The following NRIP1 variants were observed in gnomAD, a reference collection of about 807,000 sequenced individuals.
The protein encoded by NRIP1 is nuclear receptor-interacting protein 1.
A neutral mutation model predicts 75.0 loss-of-function variants in NRIP1; 28 were observed. The ratio of observed to expected loss-of-function variants is 0.37; its 90% CI spans 0.28 to 0.51. The LOEUF (loss-of-function observed/expected upper bound fraction) is 0.51. NRIP1 is among the 20% of genes least tolerant of loss of function. The pLI, the probability that NRIP1 is intolerant of heterozygous loss-of-function variation, is 0.92. For synonymous variants in NRIP1, 526 were observed against 487.6 expected, an observed-to-expected ratio of 1.08 and a Z score of -1.04; for missense variants, 1,435 against 1,343.7, an observed-to-expected ratio of 1.07 and a Z score of -1.06.
intron 3 of NRIP1, among the ~76,000 whole-genome samples, chr21:14,979,701 C>T (rs1167049978): frequency 1.3e-5 from 2 of 151,644 alleles, no homozygotes; most frequent in Admixed American, 6.6e-5. Context: ...TTTTTAATAG[C>T]GACGGGGTTT....
intron 1 of NRIP1, among the ~76,000 whole-genome samples, chr21:15,045,852 C>T (rs1172588499): frequency 6.6e-6 from 1 of 152,156 alleles, no homozygotes; most frequent in East Asian, 1.9e-4. Context: ...GAGTAGATTC[C>T]ATCTCTAGTA....
intron 2 of NRIP1, among the ~76,000 whole-genome samples, chr21:15,030,975 G>A (rs4817585): frequency 0.69 from 72,368 of 104,586 alleles, 25,392 homozygotes; most frequent in East Asian, 0.8. Flanking sequence ...TTCTATGTGT[G>A]TACACTCTGG....
chr21:14,968,519 T>C lies in NRIP1; in HGVS notation c.-327A>G, dbSNP rs370599961. The C allele has an allele frequency of 3.8e-4, 84 of 219,366 alleles. No homozygotes were observed. Among genetic ancestry groups the C allele is most frequent in the African/African-American group, 1.8e-3 (78 of 43,226 alleles). The allele number at this position is 219,366 out of a possible 1,614,324, so 13.6% of individuals were successfully genotyped here. A position where few individuals can be genotyped will look rare whatever the true frequency, so the allele number is the denominator to read the frequency against. On this transcript the variant is annotated 5_prime_UTR_variant, in exon 4 of 4. It removes the in-frame stop codon of an upstream open reading frame in the 5' UTR. Transcript: ENST00000318948. ...TTTTGTTCCCCATTAAATGCAAATA[T>C]CAGTGTTCTAAAAAAAATAAAAATA...
Position 14,963,602 on chromosome 21 carries a change from GAA to G in NRIP1, c.*1112_*1113del. On this transcript the variant is annotated 3_prime_UTR_variant, in exon 4 of 4. Transcript: ENST00000318948. The stretch of plus-strand genomic sequence containing the variant: ...TTGTTTTACAGTCTCATGTTCTGAG[GAA>G]AGTCATAAGTCATGGTTCTCAAACA... 6.6e-6 allele frequency: 1 copy of G among 152,328 alleles called. No homozygotes were observed. Among genetic ancestry groups the G allele is most frequent in the East Asian group, 1.9e-4 (1 of 5,184 alleles). 9.4% of individuals were successfully genotyped at this position (152,328 alleles called of 1,614,324 possible).
rs2086598842 is a variant in NRIP1 at position 14,961,911 on chromosome 21, AT to A, written c.*2804del. 1 of 151,738 alleles carries A rather than the reference AT, an allele frequency of 6.6e-6. No individual in the cohort carries two copies. The highest frequency in any genetic ancestry group is 2.4e-5 in the African/African-American group (1 of 41,306). 9.4% of individuals were successfully genotyped at this position (151,738 alleles called of 1,614,324 possible). A position where few individuals can be genotyped will look rare whatever the true frequency, so the allele number is the denominator to read the frequency against. On this transcript the variant is annotated 3_prime_UTR_variant, in exon 4 of 4. Coordinates refer to ENST00000318948, the MANE Select transcript of NRIP1 (RefSeq NM_003489.4). ...AAGGCTTTTCTGTTGCATTAGAACA[AT>A]ACAAAATATGTATTTTTCATTAAGG...
At chr21:15,033,422 T>G (rs2088758216) in intron 2 of NRIP1, among the ~76,000 whole-genome samples, 1 of 152,046 alleles carries the variant, frequency 6.6e-6, no homozygotes, top group African/African-American at 2.4e-5. Flanking sequence ...AGAGTTGGGG[T>G]TCATACCTAG....
chr21:15,035,691 G>C (rs972448347), intron 2 of NRIP1, among the ~76,000 whole-genome samples: 1 of 151,824 alleles, frequency 6.6e-6, no homozygotes, highest in East Asian at 1.9e-4. Flanking sequence ...TGAGTAGCTG[G>C]GATTACAGTT....
intron 3 of NRIP1, among the ~76,000 whole-genome samples, chr21:14,993,531 A>G (rs1356621237): frequency 6.6e-6 from 1 of 152,200 alleles, no homozygotes; most frequent in East Asian, 1.9e-4. Context: ...TCAGTTTAAC[A>G]TGTATAACAA....
intron 1 of NRIP1, among the ~76,000 whole-genome samples, chr21:15,057,518 A>G (rs956444708): frequency 9.2e-5 from 14 of 152,220 alleles, no homozygotes; most frequent in African/African-American, 2.7e-4. Context: ...AAGCTGCTGC[A>G]GAATCATCGA....
Position 14,962,744 on chromosome 21 carries a change from C to T in NRIP1, c.*1972G>A, listed in dbSNP as rs542404268. 2.0e-5 allele frequency: 3 copies of T among 152,538 alleles called. No homozygotes were observed. The East Asian group carries it at 5.8e-4, about 29-fold the overall frequency. 9.4% of individuals were successfully genotyped at this position (152,538 alleles called of 1,614,324 possible). A position where few individuals can be genotyped will look rare whatever the true frequency, so the allele number is the denominator to read the frequency against. ...CCATGATGTTGCATAATACCCACTC[C>T]TATTACTGTATAATATTTCCAGTAG... On this transcript the variant is annotated 3_prime_UTR_variant, in exon 4 of 4. Coordinates refer to ENST00000318948, the MANE Select transcript of NRIP1 (RefSeq NM_003489.4).
chr21:15,036,978 C>T (rs2088849142), intron 2 of NRIP1, among the ~76,000 whole-genome samples: 1 of 151,958 alleles, frequency 6.6e-6, no homozygotes, highest in Non-Finnish European at 1.5e-5. Flanking sequence ...TTGTACTTTC[C>T]CTCTTGATGA....
At chr21:14,987,778 T>C (rs2087448531) in intron 3 of NRIP1, among the ~76,000 whole-genome samples, 1 of 152,198 alleles carries the variant, frequency 6.6e-6, no homozygotes, top group Non-Finnish European at 1.5e-5. Flanking sequence ...GAGTTGTCTT[T>C]GATTCTCCTC....
intron 1 of NRIP1, among the ~76,000 whole-genome samples, chr21:15,046,135 G>A (rs1421949527): frequency 6.6e-6 from 1 of 152,144 alleles, no homozygotes; most frequent in Non-Finnish European, 1.5e-5. Context: ...ATCTAGAATG[G>A]TGAATCCTTT....
upstream of NRIP1, chr21:15,065,712 C>T (rs1978830752): frequency 1.3e-5 from 2 of 152,358 alleles, no homozygotes; most frequent in African/African-American, 4.8e-5. Context: ...GGGAGGAAAA[C>T]TAGGAAGGAG....
chr21:15,020,418 G>A (rs1336182651), intron 2 of NRIP1, among the ~76,000 whole-genome samples: 1 of 152,132 alleles, frequency 6.6e-6, no homozygotes, highest in Non-Finnish European at 1.5e-5. Flanking sequence ...GTGTAAACCT[G>A]TATCTCTCAA....
Position 14,981,442 on chromosome 21 carries a change from G to A in NRIP1, c.-334-12916C>T, listed in dbSNP as rs551861910. 7.2e-5 allele frequency among the ~76,000 whole-genome samples: 11 copies of A among 152,310 alleles called. No individual in the cohort carries two copies. The East Asian group carries it at 1.9e-3, about 27-fold the overall frequency. On this transcript the variant is annotated intron_variant, in intron 3 of 3. Coordinates refer to ENST00000318948, the MANE Select transcript of NRIP1 (RefSeq NM_003489.4). ...GTTTAGGGCACGTTCTGCCTGTGCA[G>A]CAGGGACAGTGACACATGCTCCTTG...
chr21:15,013,730 C>T (rs1194862657), intron 3 of NRIP1, among the ~76,000 whole-genome samples: 2 of 152,078 alleles, frequency 1.3e-5, no homozygotes, highest in African/African-American at 4.8e-5. Context: ...GTTGCTCTGC[C>T]CACCTACTTG....
intron 3 of NRIP1, among the ~76,000 whole-genome samples, chr21:15,012,176 G>A (rs1600868237): frequency 6.6e-6 from 1 of 152,066 alleles, no homozygotes; most frequent in East Asian, 1.9e-4. Flanking sequence ...TCCTCCTTTT[G>A]GAGACACAGT....
rs143752069 is a variant in NRIP1, at chr21:14,967,737, T to A, written c.456A>T (p.Gln152His). Residue 152 changes from glutamine to histidine, a missense_variant, in exon 4 of 4, where the codon CAA becomes CAT. Transcript: ENST00000318948. ...CTTGCTCCTTGAGGCTCTGCCTGATTTGTTGTGACAGAGCAACAGTCTGCA... is the reference window on the plus strand; with the variant it reads ...CTTGCTCCTTGAGGCTCTGCCTGATATGTTGTGACAGAGCAACAGTCTGCA... ...SRLQTVALSQQIRQSLKEQGY... is the reference protein window; with the variant it reads ...SRLQTVALSQHIRQSLKEQGY... 1.2e-6 allele frequency: 2 copies of A among 1,614,194 alleles called. No homozygotes were observed. Among genetic ancestry groups the A allele is most frequent in the Non-Finnish European group, 1.7e-6 (2 of 1,180,036 alleles).
Sources: gnomAD v4.1 joint callset for allele counts (sites outside exome capture counted in the v4.1 genomes callset) on GRCh38, gnomAD v4.1.1 for gene constraint, MANE v1.5 for transcripts, NCBI Gene and HGNC (gene_info 2026-07-23, HGNC 2026-07-21) for gene names.